Variants in AGMO observed in about 807,000 individuals in gnomAD.
The protein encoded by AGMO is glyceryl-ether monooxygenase.
AGMO carries 75 observed loss-of-function variants against 60.2 expected under a neutral mutation model. The ratio of observed to expected loss-of-function variants is 1.25; its 90% CI spans 1.03 to 1.51. AGMO has a LOEUF of 1.51. AGMO is among the 40% of genes most tolerant of loss of function. The probability of loss-of-function intolerance (pLI) is 0.00; values close to 1 mark genes in which losing one functional copy is unlikely to be tolerated. For missense variants in AGMO, 763 were observed against 525.5 expected (o/e 1.45, Z -4.42); for synonymous variants, 261 against 177.1 (o/e 1.47, Z -3.76).
intron 3 of AGMO, among the ~76,000 whole-genome samples, chr7:15,436,549 A>T (rs989959128): frequency 2.6e-5 from 4 of 152,214 alleles, no homozygotes; most frequent in Non-Finnish European, 4.4e-5. Context: ...TTTCTAAAAC[A>T]TGAATTCTGT....
intron 12 of AGMO, among the ~76,000 whole-genome samples, chr7:15,339,291 T>C (rs1013876805): frequency 6.6e-6 from 1 of 152,204 alleles, no homozygotes; most frequent in African/African-American, 2.4e-5. Context: ...ACAAAGTTTG[T>C]GTAAAATCAT....
At chr7:15,338,192 A>C (rs925007114) in intron 12 of AGMO, among the ~76,000 whole-genome samples, 1 of 152,216 alleles carries the variant, frequency 6.6e-6, no homozygotes, top group Non-Finnish European at 1.5e-5. Context: ...AGATAAAATA[A>C]ATCATTTTAA....
intron 3 of AGMO, among the ~76,000 whole-genome samples, chr7:15,436,176 T>C (rs1781398491): frequency 6.6e-6 from 1 of 152,212 alleles, no homozygotes; most frequent in African/African-American, 2.4e-5. Flanking sequence ...TAGCATATTG[T>C]ACGATGACTA....
intron 12 of AGMO, among the ~76,000 whole-genome samples, chr7:15,337,522 A>T (rs1781699444): frequency 6.6e-6 from 1 of 152,114 alleles, no homozygotes; most frequent in Non-Finnish European, 1.5e-5. Flanking sequence ...CCCAGCTGAG[A>T]AAAGGATTTT....
chr7:15,354,193 T>C (rs1782362135), intron 12 of AGMO, among the ~76,000 whole-genome samples: 1 of 151,178 alleles, frequency 6.6e-6, no homozygotes, highest in African/African-American at 2.4e-5. Context: ...ATTTTCACCT[T>C]CAACTTAGCC....
At chr7:15,349,198 T>C (rs1304100194) in intron 12 of AGMO, among the ~76,000 whole-genome samples, 2 of 152,100 alleles carry the variant, frequency 1.3e-5, no homozygotes, top group African/African-American at 4.8e-5. Context: ...GAAAACCTTC[T>C]TTAACACCTG....
At chr7:15,245,880 A>C (rs1782725819) in intron 12 of AGMO, among the ~76,000 whole-genome samples, 1 of 152,222 alleles carries the variant, frequency 6.6e-6, no homozygotes, top group Non-Finnish European at 1.5e-5. Context: ...AAAGCATTAA[A>C]TAATAGGTCT....
At chr7:15,182,198 G>T in the AGMO span, among the ~76,000 whole-genome samples, 1 of 152,116 alleles carries the variant, frequency 6.6e-6, no homozygotes, top group Non-Finnish European at 1.5e-5. Flanking sequence ...AGGTTTGGGG[G>T]AAGAGGGAAG....
the AGMO span, among the ~76,000 whole-genome samples, chr7:15,182,838 G>C: frequency 6.6e-6 from 1 of 152,166 alleles, no homozygotes; most frequent in Non-Finnish European, 1.5e-5. Flanking sequence ...AGGGAGCATA[G>C]TGGCTTCTGG....
intron 12 of AGMO, among the ~76,000 whole-genome samples, chr7:15,252,735 C>T (rs1316799447): frequency 6.6e-6 from 1 of 152,130 alleles, no homozygotes; most frequent in Non-Finnish European, 1.5e-5. Context: ...TCTTGAAATG[C>T]CTGTTAGATT....
intron 2 of AGMO, among the ~76,000 whole-genome samples, chr7:15,545,256 T>A (rs1447556464): frequency 1.3e-5 from 2 of 152,146 alleles, no homozygotes; most frequent in Non-Finnish European, 2.9e-5. Flanking sequence ...AAAACTTAAT[T>A]TCTGTGATTG....
At chr7:15,394,071 T>G (rs367702435) in intron 6 of AGMO, 42 bp downstream of exon 6, 1 of 1,438,768 alleles carries the variant, frequency 7.0e-7, no homozygotes, top group African/African-American at 1.4e-5. Flanking sequence ...ATGCAATTTT[T>G]AGAGAAATGA....
At chr7:15,146,782 A>G in the AGMO span, among the ~76,000 whole-genome samples, 2 of 152,198 alleles carry the variant, frequency 1.3e-5, no homozygotes, top group South Asian at 4.1e-4. Context: ...AGATTGCTCT[A>G]GTGCATTCAT....
chr7:15,461,650 T>C (rs1011169173), intron 3 of AGMO, among the ~76,000 whole-genome samples: 1 of 152,084 alleles, frequency 6.6e-6, no homozygotes, highest in Non-Finnish European at 1.5e-5. Context: ...GCATGTCTTT[T>C]GGTATTTGTT....
chr7:15,287,775 C>T (rs1176082512), intron 12 of AGMO, among the ~76,000 whole-genome samples: 1 of 133,702 alleles, frequency 7.5e-6, no homozygotes, highest in East Asian at 2.4e-4. Flanking sequence ...TGCATTTTAA[C>T]GTAGCTAAAT....
At chr7:15,479,388 C>T (rs1258222109) in intron 3 of AGMO, among the ~76,000 whole-genome samples, 1 of 152,074 alleles carries the variant, frequency 6.6e-6, no homozygotes, top group Admixed American at 6.6e-5. Context: ...AGAAACAAGA[C>T]AGGGAAGAAA....
intron 12 of AGMO, among the ~76,000 whole-genome samples, chr7:15,309,478 A>T (rs1260522818): frequency 1.3e-5 from 2 of 152,142 alleles, no homozygotes; most frequent in Non-Finnish European, 2.9e-5. Context: ...GCCCTATTGA[A>T]ATGTACTTTT....
the AGMO span, among the ~76,000 whole-genome samples, chr7:15,194,482 A>T: frequency 1.3e-5 from 2 of 151,918 alleles, no homozygotes; most frequent in Non-Finnish European, 2.9e-5. Context: ...CATGTGTTAG[A>T]TCTCCCCTTT....
chr7:15,364,369 C>G (rs900506734), intron 12 of AGMO, among the ~76,000 whole-genome samples: 1 of 151,836 alleles, frequency 6.6e-6, no homozygotes, highest in Non-Finnish European at 1.5e-5. Flanking sequence ...TACTTATGTG[C>G]ACTGTATGGC....
Sources: gnomAD v4.1 joint callset for allele counts (sites outside exome capture counted in the v4.1 genomes callset) on GRCh38, gnomAD v4.1.1 for gene constraint, MANE v1.5 for transcripts, NCBI Gene and HGNC (gene_info 2026-07-23, HGNC 2026-07-21) for gene names.